The following CFAP77 variants were observed in gnomAD, a reference collection of about 807,000 sequenced individuals.
CFAP77 encodes cilia and flagella associated protein 77, also known as cilia- and flagella-associated protein 77.
In CFAP77, 25 loss-of-function variants were observed where a neutral mutation model predicts 31.1. That is an observed-to-expected ratio of 0.80 (90% CI 0.59 to 1.12). The LOEUF (loss-of-function observed/expected upper bound fraction) is 1.12, where lower values mean the gene tolerates loss of function less well. Among genes scored for constraint, CFAP77 ranks in the 50% most tolerant of loss-of-function variants. The pLI is 0.00. For synonymous variants in CFAP77, 151 were observed against 159.9 expected (o/e 0.94, Z 0.42); for missense variants, 377 against 397.3 (o/e 0.95, Z 0.44).
intron 1 of CFAP77, among the ~76,000 whole-genome samples, chr9:132,411,496 G>A (rs1376765519): frequency 6.6e-6 from 1 of 152,230 alleles, no homozygotes; most frequent in Admixed American, 6.5e-5. Flanking sequence ...GGTCCTGAGA[G>A]GAGGAAGGAT....
Position 132,430,098 on chromosome 9 carries a change from A to G in CFAP77, c.195+19632A>G, listed in dbSNP as rs542504336. Reference sequence around the variant, plus strand: ...CCTGGCTCCGTGGCCTTCATCTCCTACACTTATTTCTGGTGGTGGTTTCCT... The same window carrying G: ...CCTGGCTCCGTGGCCTTCATCTCCTGCACTTATTTCTGGTGGTGGTTTCCT... On this transcript the variant is annotated intron_variant, in intron 1 of 5. Transcript: ENST00000393216. 1.8e-4 allele frequency among the ~76,000 whole-genome samples: 27 copies of G among 151,902 alleles called. No individual in the cohort carries two copies. The South Asian group carries it at 5.0e-3, about 28-fold the overall frequency.
chr9:132,507,651 T>A (rs1027168291), intron 3 of CFAP77, among the ~76,000 whole-genome samples: 1 of 152,214 alleles, frequency 6.6e-6, no homozygotes, highest in Admixed American at 6.5e-5. Context: ...TCACTCTGGG[T>A]GATTTTGTTT....
chr9:132,420,296 C>T (rs898108734), intron 1 of CFAP77, among the ~76,000 whole-genome samples: 2 of 151,742 alleles, frequency 1.3e-5, no homozygotes, highest in African/African-American at 4.8e-5. Flanking sequence ...GTAGGATGGA[C>T]TAGATTCCAC....
intron 3 of CFAP77, among the ~76,000 whole-genome samples, chr9:132,508,119 T>C (rs1851966457): frequency 6.6e-6 from 1 of 152,108 alleles, no homozygotes; most frequent in South Asian, 2.1e-4. Context: ...GAGACAGTTA[T>C]CAGAAGCAAA....
intron 3 of CFAP77, among the ~76,000 whole-genome samples, chr9:132,532,993 G>GA (rs1852482829): frequency 6.6e-6 from 1 of 152,236 alleles, no homozygotes; most frequent in Non-Finnish European, 1.5e-5. Flanking sequence ...CTCCCTAGAT[G>GA]AAAGTCTTTA....
At chr9:132,482,217 T>G in intron 1 of CFAP77, 1 of 727,612 alleles carries the variant, frequency 1.4e-6, no homozygotes, top group Non-Finnish European at 2.3e-6. Context: ...AGGGAGCCTT[T>G]TTCTTAAATC....
chr9:132,561,654 CA>C (rs1564253314), intron 5 of CFAP77, among the ~76,000 whole-genome samples: 1,616 of 92,518 alleles, frequency 0.017, 26 homozygotes, highest in Non-Finnish European at 0.023. Context: ...CACACACACA[CA>C]CACACACCCC....
rs893615227 is a variant in CFAP77, at chr9:132,499,052, G to C, written c.295+258G>C. Among the ~76,000 whole-genome samples, 17 of 152,178 alleles carry C rather than the reference G, an allele frequency of 1.1e-4. No individual in the cohort carries two copies. The highest frequency in any genetic ancestry group is 4.1e-4 in the African/African-American group (17 of 41,444). ...CCGCCCCCCTTCCCCGCCGCCGGCA[G>C]GGACTGTGTGCACTATGCTGCTCAC... On this transcript the variant is annotated intron_variant, in intron 2 of 5. Transcript: ENST00000393216. The surrounding 1 kb of genome is among the most constrained non-coding windows in gnomAD (Gnocchi z 5.4).
At chr9:132,513,551 T>A (rs1221253125) in intron 3 of CFAP77, 1 of 570,994 alleles carries the variant, frequency 1.8e-6, no homozygotes, top group Non-Finnish European at 3.0e-6. Context: ...TAGGGACTAC[T>A]GAGCGGGGTC....
intron 3 of CFAP77, among the ~76,000 whole-genome samples, chr9:132,515,309 C>T (rs906913218): frequency 2.0e-5 from 3 of 152,164 alleles, no homozygotes; most frequent in Non-Finnish European, 2.9e-5. Flanking sequence ...CTTATTCAGG[C>T]GGAGGCCTGT....
At chr9:132,447,432 G>A (rs1850745005) in intron 1 of CFAP77, among the ~76,000 whole-genome samples, 1 of 152,238 alleles carries the variant, frequency 6.6e-6, no homozygotes, top group Admixed American at 6.5e-5. Context: ...GTAATCGAAA[G>A]CAGACTTCAG....
chr9:132,434,022 C>T (rs971212168), intron 1 of CFAP77, among the ~76,000 whole-genome samples: 1 of 151,570 alleles, frequency 6.6e-6, no homozygotes, highest in East Asian at 1.9e-4. Context: ...GCCTGTAGTC[C>T]CAGCTACTTG....
chr9:132,412,023 T>G (rs1850014866), intron 1 of CFAP77, among the ~76,000 whole-genome samples: 1 of 152,216 alleles, frequency 6.6e-6, no homozygotes, highest in Non-Finnish European at 1.5e-5. Flanking sequence ...AATTTCCCCC[T>G]TCTTTTCCTT....
intron 5 of CFAP77, among the ~76,000 whole-genome samples, chr9:132,543,513 G>T (rs776376583): frequency 2.6e-5 from 4 of 151,098 alleles, no homozygotes; most frequent in Non-Finnish European, 5.9e-5. Context: ...GGCAGAGGCT[G>T]TTCACCAGGG....
intron 3 of CFAP77, among the ~76,000 whole-genome samples, chr9:132,514,046 TCCC>T (rs58973374): frequency 5.7e-5 from 7 of 121,870 alleles, no homozygotes; most frequent in Non-Finnish European, 9.0e-5. Context: ...AGTGAGGAGA[TCCC>T]CCCGTCTTGT....
chr9:132,430,005 G>A (rs972772897), intron 1 of CFAP77, among the ~76,000 whole-genome samples: 7 of 151,728 alleles, frequency 4.6e-5, no homozygotes, highest in African/African-American at 1.5e-4. Context: ...GATAGTCCAC[G>A]ACTGCTGCCC....
chr9:132,551,886 G>A (rs1470148363), intron 5 of CFAP77, among the ~76,000 whole-genome samples: 1 of 152,212 alleles, frequency 6.6e-6, no homozygotes, highest in East Asian at 1.9e-4. Context: ...GTGCAGGGCG[G>A]TCAGGAATGA....
intron 3 of CFAP77, among the ~76,000 whole-genome samples, chr9:132,531,888 G>A (rs1852459873): frequency 6.6e-6 from 1 of 152,152 alleles, no homozygotes; most frequent in East Asian, 1.9e-4. Context: ...GAGGATGTCA[G>A]CCGAGCCCGC....
intron 1 of CFAP77, among the ~76,000 whole-genome samples, chr9:132,475,609 CAA>C (rs1851336921): frequency 6.6e-6 from 1 of 152,166 alleles, no homozygotes; most frequent in Non-Finnish European, 1.5e-5. Context: ...GCAGGAAGAA[CAA>C]AGAAGCCACA....
Sources: allele counts gnomAD v4.1 joint callset (sites outside exome capture counted in the v4.1 genomes callset), GRCh38; gene constraint gnomAD v4.1.1; non-coding constraint Gnocchi (gnomAD v3.1); transcripts MANE v1.5; gene names NCBI Gene and HGNC (gene_info 2026-07-23, HGNC 2026-07-21).